The following FTO variants were observed in gnomAD, a reference collection of about 807,000 sequenced individuals.
The protein encoded by FTO is FTO alpha-ketoglutarate dependent dioxygenase.
A neutral mutation model predicts 63.9 loss-of-function variants in FTO; 47 were observed. The observed-to-expected ratio is 0.74, with a 90% CI of 0.58 to 0.94. The LOEUF is 0.94. FTO is among the 40% of genes least tolerant of loss of function. The pLI, the probability that FTO is intolerant of heterozygous loss-of-function variation, is 0.00. For synonymous variants in FTO, 207 were observed against 224.4 expected, an observed-to-expected ratio of 0.92 and a Z score of 0.69; for missense variants, 562 against 618.1, an observed-to-expected ratio of 0.91 and a Z score of 0.96.
intron 8 of FTO, among the ~76,000 whole-genome samples, chr16:53,966,619 AC>A (rs1315209129): frequency 6.6e-6 from 1 of 152,210 alleles, no homozygotes; most frequent in East Asian, 1.9e-4. Flanking sequence ...GCTCTGGAGA[AC>A]AACTGCCTTC....
intron 8 of FTO, among the ~76,000 whole-genome samples, chr16:53,966,552 G>C (rs1305182545): frequency 6.6e-6 from 1 of 152,196 alleles, no homozygotes; most frequent in African/African-American, 2.4e-5. Flanking sequence ...AATTCATAGA[G>C]CAGGTCTTTC....
chr16:53,851,539 A>G (rs2079797456), intron 4 of FTO, among the ~76,000 whole-genome samples: 1 of 152,100 alleles, frequency 6.6e-6, no homozygotes, highest in Non-Finnish European at 1.5e-5. Context: ...TTGTGGAACT[A>G]TATGAAATAA....
intron 1 of FTO, among the ~76,000 whole-genome samples, chr16:53,804,399 C>T (rs1340519530): frequency 2.0e-5 from 3 of 152,134 alleles, no homozygotes; most frequent in Admixed American, 6.5e-5. Flanking sequence ...AGTTTGCTTC[C>T]GATGTGGTAC....
intron 4 of FTO, among the ~76,000 whole-genome samples, chr16:53,859,653 G>T (rs1394882688): frequency 2.6e-5 from 4 of 151,838 alleles, no homozygotes; most frequent in African/African-American, 9.7e-5. Context: ...TTCTGAAAAG[G>T]AGACATATGA....
At chr16:53,761,597 C>T (rs1020148791) in intron 1 of FTO, among the ~76,000 whole-genome samples, 12 of 152,052 alleles carry the variant, frequency 7.9e-5, no homozygotes, top group Non-Finnish European at 1.8e-4. Flanking sequence ...AAATAATTTC[C>T]TCCTTCTTAA....
At chr16:54,083,379 C>T (rs2086190726) in intron 8 of FTO, among the ~76,000 whole-genome samples, 1 of 152,180 alleles carries the variant, frequency 6.6e-6, no homozygotes, top group Admixed American at 6.5e-5. Context: ...AGCAAAATCT[C>T]TGATCTCATT....
intron 1 of FTO, among the ~76,000 whole-genome samples, chr16:53,705,759 C>T (rs558564183): frequency 8.5e-5 from 13 of 152,196 alleles, no homozygotes; most frequent in Non-Finnish European, 1.6e-4. Flanking sequence ...ACAAATGTCA[C>T]CTCATGGTGT....
chr16:54,020,530 C>T (rs933514417), intron 8 of FTO, among the ~76,000 whole-genome samples: 1 of 152,154 alleles, frequency 6.6e-6, no homozygotes, highest in African/African-American at 2.4e-5. Context: ...TAATCAAGTG[C>T]AATTATACTG....
chr16:53,902,277 G>A (rs146324410), intron 7 of FTO, among the ~76,000 whole-genome samples: 1 of 152,168 alleles, frequency 6.6e-6, no homozygotes. Context: ...ATTCAGGAAT[G>A]TCAATGTTGG....
chr16:53,807,597 GC>G (rs916546248), intron 1 of FTO, among the ~76,000 whole-genome samples: 1 of 152,152 alleles, frequency 6.6e-6, no homozygotes, highest in African/African-American at 2.4e-5. Context: ...ATGTAGATTA[GC>G]TTTACTGATG....
At chr16:53,840,106 T>A (rs1179051831) in intron 3 of FTO, among the ~76,000 whole-genome samples, 2 of 151,990 alleles carry the variant, frequency 1.3e-5, no homozygotes, top group African/African-American at 4.8e-5. Flanking sequence ...CCTGGGCCTT[T>A]TTATTTCTTT....
rs2083448161 is a variant in FTO at position 53,976,924 on chromosome 16, A to G, written c.1364+42815A>G. Among the ~76,000 whole-genome samples, 3 of 152,110 alleles carry G rather than the reference A, an allele frequency of 2.0e-5. No individual in the cohort carries two copies. The South Asian group carries it at 6.2e-4, about 31-fold the overall frequency. ...TTTGATTCTTCTGGAATTTCTAAGT[A>G]AGGAATTAAATAATCCAAAATAAAA... On this transcript the variant is annotated intron_variant, in intron 8 of 8. Coordinates refer to ENST00000471389, the MANE Select transcript of FTO (RefSeq NM_001080432.3).
chr16:53,903,196 C>T (rs2081445790), intron 7 of FTO, among the ~76,000 whole-genome samples: 1 of 152,086 alleles, frequency 6.6e-6, no homozygotes, highest in Non-Finnish European at 1.5e-5. Context: ...GCCACTCATT[C>T]CCTTCCCAAG....
At chr16:53,888,473 G>A (rs1400075692) in intron 6 of FTO, among the ~76,000 whole-genome samples, 4 of 83,126 alleles carry the variant, frequency 4.8e-5, no homozygotes, top group Admixed American at 4.4e-4. Flanking sequence ...TTTATTAGTA[G>A]CTTGGCCAAT....
intron 8 of FTO, among the ~76,000 whole-genome samples, chr16:54,048,739 C>T (rs1019145418): frequency 4.6e-5 from 7 of 152,198 alleles, no homozygotes; most frequent in Non-Finnish European, 1.0e-4. Flanking sequence ...GACTTTGCCT[C>T]CAGCCTGATA....
Position 53,984,321 on chromosome 16 carries a change from C to CCTTT in FTO, c.1364+50212_1364+50213insCTTT, listed in dbSNP as rs1555500067. Reference sequence around the variant, plus strand: ...CCTCTATCCCTCCCTTGGAATGGGTCTTTTTTTTTTTTTTTTTTTTTTTTT... The same window carrying CCTTT: ...CCTCTATCCCTCCCTTGGAATGGGTCCTTTTTTTTTTTTTTTTTTTTTTTTTTTT... On this transcript the variant is annotated intron_variant, in intron 8 of 8. Coordinates refer to ENST00000471389, the MANE Select transcript of FTO (RefSeq NM_001080432.3). Among the ~76,000 whole-genome samples, 469 of 67,298 alleles carry CCTTT rather than the reference C, an allele frequency of 7.0e-3. 28 individuals are homozygous for CCTTT. Among genetic ancestry groups the CCTTT allele is most frequent in the African/African-American group, 0.025 (443 of 17,962 alleles). 44.2% of individuals were successfully genotyped at this position (67,298 alleles called of 152,430 possible).
At chr16:53,787,682 T>C (rs2077787162) in intron 1 of FTO, among the ~76,000 whole-genome samples, 1 of 152,212 alleles carries the variant, frequency 6.6e-6, no homozygotes, top group South Asian at 2.1e-4. Context: ...AAGTCTGGTA[T>C]ATCTAACTAA....
intron 8 of FTO, among the ~76,000 whole-genome samples, chr16:54,008,805 A>AAATAATAAT (rs142826263): frequency 3.5e-5 from 5 of 141,008 alleles, no homozygotes; most frequent in Non-Finnish European, 7.6e-5. Context: ...CTGTCTCCAC[A>AAATAATAAT]AATAATAATA....
intron 7 of FTO, among the ~76,000 whole-genome samples, chr16:53,906,517 T>C (rs914511506): frequency 2.0e-5 from 3 of 152,170 alleles, no homozygotes; most frequent in Admixed American, 6.5e-5. Context: ...ATGATTCTTA[T>C]GTAAGGTGGA....
Sources: allele counts gnomAD v4.1 joint callset (sites outside exome capture counted in the v4.1 genomes callset), GRCh38; gene constraint gnomAD v4.1.1; transcripts MANE v1.5; gene names NCBI Gene and HGNC (gene_info 2026-07-23, HGNC 2026-07-21).